Variants in BRD8 observed in about 807,000 individuals in gnomAD.
BRD8 encodes bromodomain containing 8, also known as bromodomain-containing protein 8.
BRD8 carries 67 observed loss-of-function variants against 143.1 expected under a neutral mutation model. The ratio of observed to expected loss-of-function variants is 0.47; its 90% CI spans 0.38 to 0.57. The LOEUF (loss-of-function observed/expected upper bound fraction) is 0.57, where lower values mean the gene tolerates loss of function less well. Ranked by LOEUF, BRD8 falls within the 20% of genes least tolerant of loss-of-function variation. The pLI is 0.00. For missense variants in BRD8, 1,103 were observed against 1,503.0 expected, an observed-to-expected ratio of 0.73 and a Z score of 4.40; for synonymous variants, 505 against 517.1, an observed-to-expected ratio of 0.98 and a Z score of 0.32.
intron 3 of BRD8, among the ~76,000 whole-genome samples, chr5:138,171,611 T>C (rs1397984312): frequency 7.9e-5 from 12 of 152,206 alleles, no homozygotes; most frequent in African/African-American, 2.2e-4. Context: ...GACAGTCTTA[T>C]GGACTGGAGT....
At chr5:138,149,095 G>C (rs1752277902) in intron 23 of BRD8, among the ~76,000 whole-genome samples, 1 of 151,206 alleles carries the variant, frequency 6.6e-6, no homozygotes, top group Non-Finnish European at 1.5e-5. Flanking sequence ...ACCATAGTTT[G>C]TATATTAGGC....
rs1367664654 is a variant in BRD8 at position 138,164,888 on chromosome 5, A to G, written c.1557T>C (p.Ile519=). The G allele has an allele frequency of 1.2e-6, 2 of 1,614,064 alleles. No homozygotes were observed. The highest frequency in any genetic ancestry group is 1.7e-6 in the Non-Finnish European group (2 of 1,180,042). The change falls in exon 12 of 27, where the codon ATT becomes ATC. Residue 519 remains isoleucine (I), a synonymous_variant. Transcript: ENST00000254900. ...CTCCAGCTACTATTTCGGCTCCTGA[A>G]ATGACTGGCTCTGGTTCTGCAGGTT... The part of the protein sequence containing the change: ...KVEPAEPEPV[I]SGAEIVAGVV...
intron 15 of BRD8, among the ~76,000 whole-genome samples, chr5:138,162,379 A>G (rs1753064458): frequency 1.3e-5 from 2 of 151,918 alleles, no homozygotes; most frequent in South Asian, 4.2e-4. Flanking sequence ...ATTTTTTTGT[A>G]GAGATAGGGT....
In BRD8 at chr5:138,149,728, G is replaced by A; in HGVS notation, c.3190C>T (p.Pro1064Ser). The stretch of plus-strand genomic sequence containing the variant: ...GCATCATCACACTCGCCTGAAGGGG[G>A]CTGGTCTTCCATCTCTGACACATAT... Reference protein sequence around the residue: ...EVYVSEMEDQPPSGECDDAFN... With the variant: ...EVYVSEMEDQSPSGECDDAFN... The change falls in exon 23 of 27, where the codon CCC (proline) becomes TCC (serine). Residue 1064 changes from proline (P) to serine (S), a missense_variant. Pro to Ser is a moderately conservative substitution (Grantham distance 74). This residue lies in a region of BRD8 where 369 missense variants were observed against 445.5 expected (regional missense o/e 0.83). Transcript: ENST00000254900. 6.2e-7 allele frequency: 1 copy of A among 1,613,772 alleles called. No individual in the cohort carries two copies. Among genetic ancestry groups the A allele is most frequent in the Non-Finnish European group, 8.5e-7 (1 of 1,179,852 alleles).
At chr5:138,145,053 C>G in intron 25 of BRD8, 124 bp downstream of exon 25, 1 of 988,372 alleles carries the variant, frequency 1.0e-6, no homozygotes, top group Non-Finnish European at 1.5e-6. Context: ...ACTTTATAAA[C>G]TTGTTTGGCT....
At position 138,171,078 on chromosome 5, in the gene BRD8, C is replaced by A. The variant is rs1753828121; in HGVS notation, c.319G>T (p.Glu107Ter). 1 of 1,613,762 alleles carries A rather than the reference C, an allele frequency of 6.2e-7. No homozygotes were observed. Among genetic ancestry groups the A allele is most frequent in the Non-Finnish European group, 8.5e-7 (1 of 1,179,984 alleles). The change falls in exon 5 of 27, where the codon GAA becomes TAA. Residue 107 changes from glutamate (E) to a stop codon, truncating the protein, a stop_gained. Coordinates refer to ENST00000254900, the MANE Select transcript of BRD8 (RefSeq NM_139199.2). LOFTEE classifies it high-confidence loss of function. The stretch of plus-strand genomic sequence containing the variant: ...GTTTCCTTTATCACTTTCTTTAGTT[C>A]TTCAACTCGCTCAGCAGTCAATTTC... ...VRKLTAERVEELKKVIKETQE... is the reference protein window; with the variant it reads ...VRKLTAERVE
At chr5:138,166,147 T>A in intron 10 of BRD8, 39 bp from the exon 11 acceptor site, 1 of 1,513,262 alleles carries the variant, frequency 6.6e-7, no homozygotes, top group South Asian at 1.1e-5. Flanking sequence ...AGAAGCTTAT[T>A]GGGTACAAAG....
chr5:138,140,847 G>A lies in BRD8; in HGVS notation c.3473C>T (p.Ser1158Phe). Reference sequence around the variant, plus strand: ...GGCCATGGTGCGAATCCGACCCTTAGAGAGATTTCTCTTCAGGCTAGTTAA... The same window carrying A: ...GGCCATGGTGCGAATCCGACCCTTAAAGAGATTTCTCTTCAGGCTAGTTAA... ...MDLTSLKRNL[S>F]KGRIRTMAQF... Residue 1158 changes from serine (S) to phenylalanine (F), a missense_variant, in exon 26 of 27, where the codon TCT (serine) becomes TTT (phenylalanine). Transcript: ENST00000254900. 1 of 1,614,196 alleles carries A rather than the reference G, an allele frequency of 6.2e-7. No homozygotes were observed. Among genetic ancestry groups the A allele is most frequent in the Non-Finnish European group, 8.5e-7 (1 of 1,180,036 alleles).
At chr5:138,161,642 C>T (rs1215493610) in intron 17 of BRD8, among the ~76,000 whole-genome samples, 154 bp downstream of exon 17, 1 of 152,250 alleles carries the variant, frequency 6.6e-6, no homozygotes, top group Non-Finnish European at 1.5e-5. Context: ...CAGTGGTGAT[C>T]TAGCCACTGG....
At chr5:138,142,678 A>T (rs974742181) in intron 25 of BRD8, among the ~76,000 whole-genome samples, 2 of 149,786 alleles carry the variant, frequency 1.3e-5, no homozygotes, top group African/African-American at 4.9e-5. Context: ...CAGGAGAATC[A>T]CTTGAACCCG....
intron 21 of BRD8, 98 bp downstream of exon 21, chr5:138,152,384 T>C: frequency 6.7e-7 from 1 of 1,482,450 alleles, no homozygotes; most frequent in Non-Finnish European, 9.1e-7. Flanking sequence ...GCTTATATTT[T>C]AGTAAACAAT....
At chr5:138,140,922 C>CAT in intron 25 of BRD8, 40 bp from the exon 26 acceptor site, 1 of 1,603,146 alleles carries the variant, frequency 6.2e-7, no homozygotes, top group Non-Finnish European at 8.5e-7. Context: ...ATCAAACCTT[C>CAT]ATGTGGAACA....
chr5:138,177,438 G>A, intron 2 of BRD8, 133 bp downstream of exon 2: 1 of 573,056 alleles, frequency 1.7e-6, no homozygotes, highest in Non-Finnish European at 3.1e-6. Context: ...AGGAGACTCA[G>A]TCTCAAAAAA....
At chr5:138,150,142 G>C (rs1752322056) in intron 22 of BRD8, among the ~76,000 whole-genome samples, 2 of 147,864 alleles carry the variant, frequency 1.4e-5, no homozygotes, top group Admixed American at 1.4e-4. Flanking sequence ...TTTTGAGACA[G>C]GGTCTCACTC....
intron 22 of BRD8, 108 bp downstream of exon 22, chr5:138,150,637 G>T: frequency 7.9e-7 from 1 of 1,267,578 alleles, no homozygotes; most frequent in African/African-American, 1.5e-5. Flanking sequence ...CCAGGATTTG[G>T]ATCCAGGTAG....
At chr5:138,172,770 T>G in intron 2 of BRD8, 1 of 433,432 alleles carries the variant, frequency 2.3e-6, no homozygotes, top group Non-Finnish European at 4.6e-6. Context: ...GAGGATCCCT[T>G]GAGCCCAGGA....
At chr5:138,152,429 T>C in intron 21 of BRD8, 53 bp downstream of exon 21, 1 of 1,594,020 alleles carries the variant, frequency 6.3e-7, no homozygotes, top group Non-Finnish European at 8.5e-7. Flanking sequence ...GGATAAGCAT[T>C]CTCTTAGAAA....
At chr5:138,177,802 A>G in intron 1 of BRD8, 135 bp from the exon 2 acceptor site, 1 of 500,154 alleles carries the variant, frequency 2.0e-6, no homozygotes, top group East Asian at 3.0e-5. Flanking sequence ...GTGAGCTACT[A>G]TAACCAAATC....
At position 138,165,834 on chromosome 5, in the gene BRD8, C is replaced by T; in HGVS notation, c.1272G>A (p.Glu424=). 1 of 1,613,318 alleles carries T rather than the reference C, an allele frequency of 6.2e-7. No individual in the cohort carries two copies. The highest frequency in any genetic ancestry group is 8.5e-7 in the Non-Finnish European group (1 of 1,179,468). The part of the protein sequence containing the change: ...ETVGDIIAII[E]DKVDDHPEVL... ...GGCTTCGCTGAATAGTTACCTTGTC[C>T]TCAATGATGGCAATGATGTCTCCAA... Residue 424 remains glutamate (E), a synonymous_variant, in exon 11 of 27, where the codon GAG becomes GAA. Transcript: ENST00000254900.
Sources: allele counts gnomAD v4.1 joint callset (sites outside exome capture counted in the v4.1 genomes callset), GRCh38; gene constraint gnomAD v4.1.1; regional missense constraint gnomAD v4.1.1; transcripts MANE v1.5; gene names NCBI Gene and HGNC (gene_info 2026-07-23, HGNC 2026-07-21).